Variants in PLXDC2 observed in about 807,000 individuals in gnomAD.
PLXDC2 encodes plexin domain containing 2, also known as plexin domain-containing protein 2.
PLXDC2 carries 40 observed loss-of-function variants against 68.9 expected under a neutral mutation model. The ratio of observed to expected loss-of-function variants is 0.58; its 90% CI spans 0.45 to 0.76. PLXDC2 has a LOEUF of 0.76. Ranked by LOEUF, PLXDC2 falls within the 30% of genes least tolerant of loss-of-function variation. The pLI is 0.00. For synonymous variants in PLXDC2, 243 were observed against 234.2 expected (o/e 1.04, Z -0.34); for missense variants, 644 against 661.9 (o/e 0.97, Z 0.30).
At chr10:19,977,075 C>T (rs181245950) in intron 1 of PLXDC2, among the ~76,000 whole-genome samples, 97 of 152,204 alleles carry the variant, frequency 6.4e-4, no homozygotes, top group African/African-American at 2.2e-3. Flanking sequence ...TTCAAATTGC[C>T]TGTGTCAGTT....
At chr10:20,265,262 A>C (rs1835855789) in intron 13 of PLXDC2, among the ~76,000 whole-genome samples, 1 of 152,328 alleles carries the variant, frequency 6.6e-6, no homozygotes, top group South Asian at 2.1e-4. Flanking sequence ...GCTTCAGATA[A>C]ACAAAATGAC....
intron 12 of PLXDC2, among the ~76,000 whole-genome samples, chr10:20,222,240 A>G (rs900055765): frequency 1.3e-5 from 2 of 152,106 alleles, no homozygotes; most frequent in African/African-American, 4.8e-5. Context: ...GGTCGTTTCC[A>G]TGGGTTAAAA....
chr10:19,972,960 A>G lies in PLXDC2; in HGVS notation c.113-28815A>G, dbSNP rs563319457. Among the ~76,000 whole-genome samples the G allele has an allele frequency of 5.9e-5, 9 of 152,218 alleles. No homozygotes were observed. In the East Asian group the frequency reaches 1.5e-3, roughly 26 times the overall value. ...TATCTAAAATTGTATGTTAACTTGT[A>G]TTTTTGCTAAAGGAAAAACCTATTA... On this transcript the variant is annotated intron_variant, in intron 1 of 13. Coordinates refer to ENST00000377252, the MANE Select transcript of PLXDC2 (RefSeq NM_032812.9).
chr10:19,818,387 C>T (rs2131991128), intron 1 of PLXDC2, among the ~76,000 whole-genome samples: 1 of 152,024 alleles, frequency 6.6e-6, no homozygotes, highest in South Asian at 2.1e-4. Flanking sequence ...TCTTGAAGAT[C>T]TTGAAGGAAA....
intron 1 of PLXDC2, among the ~76,000 whole-genome samples, chr10:19,888,330 C>T (rs1837886073): frequency 6.6e-6 from 1 of 151,968 alleles, no homozygotes; most frequent in Non-Finnish European, 1.5e-5. Context: ...GGCATAAATT[C>T]CAGATTTTAT....
At chr10:20,065,480 G>A (rs757656525) in intron 3 of PLXDC2, among the ~76,000 whole-genome samples, 3 of 152,100 alleles carry the variant, frequency 2.0e-5, no homozygotes, top group Non-Finnish European at 2.9e-5. Flanking sequence ...CATGAAAGGT[G>A]GTTTTTCCAC....
At chr10:20,032,643 G>A (rs1835518248) in intron 2 of PLXDC2, among the ~76,000 whole-genome samples, 1 of 151,968 alleles carries the variant, frequency 6.6e-6, no homozygotes, top group African/African-American at 2.4e-5. Flanking sequence ...TAACTACAAG[G>A]TACTGTGGAA....
intron 4 of PLXDC2, among the ~76,000 whole-genome samples, chr10:20,071,553 C>T (rs1836315784): frequency 6.6e-6 from 1 of 152,150 alleles, no homozygotes; most frequent in Non-Finnish European, 1.5e-5. Context: ...TCTTGCTTGC[C>T]ACCATGTAAG....
intron 13 of PLXDC2, among the ~76,000 whole-genome samples, chr10:20,246,293 G>A (rs954852316): frequency 1.4e-4 from 21 of 152,206 alleles, no homozygotes; most frequent in Admixed American, 1.2e-3. Context: ...TCTGTGTGAC[G>A]AAGTCACCTC....
intron 13 of PLXDC2, among the ~76,000 whole-genome samples, chr10:20,257,231 T>C (rs774367433): frequency 7.2e-5 from 11 of 152,344 alleles, no homozygotes; most frequent in Middle Eastern, 3.4e-3. Flanking sequence ...GGCCCCATTA[T>C]CAAGGATTTC....
chr10:19,834,476 G>A (rs562377812), intron 1 of PLXDC2, among the ~76,000 whole-genome samples: 49 of 152,230 alleles, frequency 3.2e-4, no homozygotes, highest in Non-Finnish European at 4.9e-4. Context: ...TCTGAGGACC[G>A]AATCAATATC....
At chr10:20,031,367 T>TA (rs1050524375) in intron 2 of PLXDC2, among the ~76,000 whole-genome samples, 24 of 145,838 alleles carry the variant, frequency 1.6e-4, no homozygotes, top group South Asian at 6.6e-4. Context: ...AAGATCCTAT[T>TA]AAAAAAAAAA....
At chr10:19,947,139 A>G (rs1373834996) in intron 1 of PLXDC2, among the ~76,000 whole-genome samples, 1 of 152,208 alleles carries the variant, frequency 6.6e-6, no homozygotes, top group African/African-American at 2.4e-5. Context: ...GACCTATAGA[A>G]GCTAAAAAAA....
Position 20,136,692 on chromosome 10 carries a change from CAT to C in PLXDC2, c.542-6599_542-6598del, listed in dbSNP as rs1316172614. ...GTACATAACGTTATAACAAAGATGA[CAT>C]ATACCATTATCATTTGCACCCTGAA... On this transcript the variant is annotated intron_variant, in intron 4 of 13. Coordinates refer to ENST00000377252, the MANE Select transcript of PLXDC2 (RefSeq NM_032812.9). Among the ~76,000 whole-genome samples the C allele has an allele frequency of 1.1e-4, 17 of 152,182 alleles. 1 individual carries two copies. In the South Asian group the frequency reaches 3.3e-3, roughly 30 times the overall value.
At chr10:20,012,637 T>C (rs564405375) in intron 2 of PLXDC2, among the ~76,000 whole-genome samples, 2 of 152,156 alleles carry the variant, frequency 1.3e-5, no homozygotes, top group East Asian at 3.9e-4. Flanking sequence ...GATAAGGGTC[T>C]CCTTATAAAA....
intron 2 of PLXDC2, among the ~76,000 whole-genome samples, chr10:20,026,398 G>C (rs956612902): frequency 6.6e-6 from 1 of 151,810 alleles, no homozygotes; most frequent in African/African-American, 2.4e-5. Context: ...TCCCCCTAAG[G>C]GTATCAAATA....
At chr10:19,959,322 AGAT>A (rs1042224686) in intron 1 of PLXDC2, among the ~76,000 whole-genome samples, 4 of 152,200 alleles carry the variant, frequency 2.6e-5, no homozygotes, top group African/African-American at 9.6e-5. Context: ...CCAAAAAGGA[AGAT>A]GAAATCAAAG....
intron 12 of PLXDC2, among the ~76,000 whole-genome samples, chr10:20,227,601 A>C (rs943845308): frequency 1.3e-5 from 2 of 152,110 alleles, no homozygotes; most frequent in Non-Finnish European, 1.5e-5. Flanking sequence ...TTGTTTCTCA[A>C]CCTCACCAGC....
chr10:20,133,563 C>A (rs1833897119), intron 4 of PLXDC2, among the ~76,000 whole-genome samples: 1 of 152,158 alleles, frequency 6.6e-6, no homozygotes, highest in Admixed American at 6.5e-5. Flanking sequence ...CTGAGAAACA[C>A]CCTGGTAGCC....
Sources: allele counts gnomAD v4.1 joint callset (sites outside exome capture counted in the v4.1 genomes callset), GRCh38; gene constraint gnomAD v4.1.1; transcripts MANE v1.5; gene names NCBI Gene and HGNC (gene_info 2026-07-23, HGNC 2026-07-21).